HRH1: variants seen among roughly 807,000 people sequenced by gnomAD.
HRH1 encodes histamine receptor H1.
Under a neutral mutation model 10.3 loss-of-function variants are expected in HRH1, and 6 were observed. The ratio of observed to expected loss-of-function variants is 0.58; its 90% CI spans 0.32 to 1.15. The LOEUF (loss-of-function observed/expected upper bound fraction) is 1.15, where lower values mean the gene tolerates loss of function less well. Ranked by LOEUF, HRH1 falls within the 50% of genes most tolerant of loss-of-function variation. The pLI, the probability that HRH1 is intolerant of heterozygous loss-of-function variation, is 0.05. For missense variants in HRH1, 514 were observed against 615.3 expected (o/e 0.84, Z 1.74); for synonymous variants, 242 against 236.7 (o/e 1.02, Z -0.21).
chr3:11,259,545 C>G lies in HRH1; in HGVS notation c.508C>G (p.Gln170Glu). 1.2e-6 allele frequency: 2 copies of G among 1,614,164 alleles called. No homozygotes were observed. The highest frequency in any genetic ancestry group is 3.3e-5 in the Admixed American group (2 of 60,028). Residue 170 changes from glutamine to glutamate, a missense_variant, in exon 2 of 2, where the codon CAG (glutamine) becomes GAG (glutamate). Physicochemically the swap from Gln to Glu is conservative, Grantham distance 29 (BLOSUM62 2). Coordinates refer to ENST00000431010, the MANE Select transcript of HRH1 (RefSeq NM_001098212.2). The surrounding 1 kb of genome is among the most constrained non-coding windows in gnomAD (Gnocchi z 4.6). ...IPILGWNHFMQQTSVRREDKC... is the reference protein window; with the variant it reads ...IPILGWNHFMEQTSVRREDKC... ...CATTCTAGGCTGGAATCACTTCATG[C>G]AGCAGACCTCGGTGCGCCGAGAGGA...
At chr3:11,139,372 C>G (rs1377079989) in intron 1 of HRH1, among the ~76,000 whole-genome samples, 4 of 152,016 alleles carry the variant, frequency 2.6e-5, no homozygotes, top group African/African-American at 9.6e-5. Flanking sequence ...CTCCGCCTCC[C>G]GGGTTCAAGC....
chr3:11,251,351 G>A (rs530113079), intron 1 of HRH1, among the ~76,000 whole-genome samples: 5 of 152,218 alleles, frequency 3.3e-5, no homozygotes, highest in African/African-American at 9.6e-5. Flanking sequence ...ATAAGGCCTC[G>A]CTCTGCCCAA....
chr3:11,255,063 A>G (rs191611755), intron 1 of HRH1, among the ~76,000 whole-genome samples: 3 of 152,342 alleles, frequency 2.0e-5, no homozygotes, highest in East Asian at 3.9e-4. Flanking sequence ...CGAAGGCAGG[A>G]AGGCTGTTTA....
At position 11,258,950 on chromosome 3, in the gene HRH1, T is replaced by A. The variant is rs116413786; in HGVS notation, c.-35-53T>A. 6.7e-4 allele frequency: 860 copies of A among 1,276,996 alleles called. 8 individuals carry two copies. In the African/African-American group the frequency reaches 0.01, roughly 15 times the overall value. 79.1% of individuals were successfully genotyped at this position (1,276,996 alleles called of 1,614,324 possible). A position where few individuals can be genotyped will look rare whatever the true frequency, so the allele number is the denominator to read the frequency against. On this transcript the variant is annotated intron_variant, in intron 1 of 1. Transcript: ENST00000431010. ...GTCTGATGAACATCATGCTACTAAG[T>A]GGCCACTCATCACCCAAGTCTCTGA...
intron 1 of HRH1, among the ~76,000 whole-genome samples, chr3:11,145,738 C>G (rs1264630654): frequency 1.5e-5 from 2 of 133,336 alleles, no homozygotes; most frequent in African/African-American, 2.9e-5. Flanking sequence ...CAGTCAGTAA[C>G]AGTACCCCTC....
intron 1 of HRH1, among the ~76,000 whole-genome samples, chr3:11,228,911 C>CA (rs10710059): frequency 2.1e-3 from 238 of 115,532 alleles, no homozygotes; most frequent in Middle Eastern, 4.6e-3. Context: ...GAGAGTATGT[C>CA]AAAAAAAAAA....
chr3:11,137,588 C>A (rs996795320), intron 1 of HRH1, among the ~76,000 whole-genome samples: 11 of 151,818 alleles, frequency 7.2e-5, no homozygotes, highest in Non-Finnish European at 1.3e-4. Flanking sequence ...GATGGTGGCA[C>A]AAGGTGGGAG....
chr3:11,254,688 C>T (rs1010393691), intron 1 of HRH1, among the ~76,000 whole-genome samples: 6 of 152,174 alleles, frequency 3.9e-5, no homozygotes, highest in East Asian at 1.9e-4. Context: ...AGACCCTCCC[C>T]GGAGGAGAAT....
At position 11,173,908 on chromosome 3, in the gene HRH1, C is replaced by A. The variant is rs573484048; in HGVS notation, c.-36+19354C>A. On this transcript the variant is annotated intron_variant, in intron 1 of 1. Coordinates refer to ENST00000431010, the MANE Select transcript of HRH1 (RefSeq NM_001098212.2). ...AAAGAGTTGTGTTTCAGCCTCAGTT[C>A]TTTCTTTATTTCCTCTTCCCGCAAG... 4.6e-5 allele frequency among the ~76,000 whole-genome samples: 7 copies of A among 152,280 alleles called. No individual in the cohort carries two copies. The East Asian group carries it at 1.4e-3, about 29-fold the overall frequency.
intron 1 of HRH1, among the ~76,000 whole-genome samples, chr3:11,204,454 G>A (rs892900661): frequency 6.6e-6 from 1 of 152,142 alleles, no homozygotes; most frequent in African/African-American, 2.4e-5. Flanking sequence ...AATAGCACTT[G>A]AAAAGCTCAC....
Position 11,262,451 on chromosome 3 carries a change from A to G in HRH1, c.*1950A>G, listed in dbSNP as rs1397787591. 3 of 167,098 alleles carry G rather than the reference A, an allele frequency of 1.8e-5. No homozygotes were observed. Among genetic ancestry groups the G allele is most frequent in the Admixed American group, 6.5e-5 (1 of 15,288 alleles). 10.4% of individuals were successfully genotyped at this position (167,098 alleles called of 1,614,324 possible). A position where few individuals can be genotyped will look rare whatever the true frequency, so the allele number is the denominator to read the frequency against. On this transcript the variant is annotated 3_prime_UTR_variant, in exon 2 of 2. Transcript: ENST00000431010. ...CTTTTCAAAAGGATTTACTTTTTGT[A>G]AAAAGCTTCATTCTCACTCTGCTTT...
At chr3:11,197,298 G>A (rs1301498046) in intron 1 of HRH1, among the ~76,000 whole-genome samples, 1 of 152,076 alleles carries the variant, frequency 6.6e-6, no homozygotes, top group African/African-American at 2.4e-5. Flanking sequence ...ATTTATAATT[G>A]CTTCTTTGTG....
chr3:11,157,235 C>T (rs952306946), intron 1 of HRH1, among the ~76,000 whole-genome samples: 3 of 152,038 alleles, frequency 2.0e-5, no homozygotes, highest in Admixed American at 2.0e-4. Context: ...GCCATTCGTT[C>T]GATTTGCCAG....
intron 1 of HRH1, among the ~76,000 whole-genome samples, chr3:11,144,289 T>C (rs190167376): frequency 6.6e-6 from 1 of 151,052 alleles, no homozygotes; most frequent in Admixed American, 6.6e-5. Flanking sequence ...AACAAAATCA[T>C]AGAATCAAAC....
intron 1 of HRH1, among the ~76,000 whole-genome samples, chr3:11,175,909 A>G (rs1186980824): frequency 2.0e-5 from 3 of 152,212 alleles, no homozygotes; most frequent in Non-Finnish European, 2.9e-5. Flanking sequence ...CTGTAATCCT[A>G]GCACTTTGGG....
chr3:11,150,043 A>G (rs1409003353), upstream of HRH1, among the ~76,000 whole-genome samples: 6 of 152,246 alleles, frequency 3.9e-5, no homozygotes, highest in African/African-American at 1.4e-4. Context: ...GAGAAAGATC[A>G]ACTTAATTTC....
In HRH1 at chr3:11,142,705, G is replaced by A. The variant is rs144080997; in HGVS notation, c.-36+5306G>A. 6.4e-3 allele frequency among the ~76,000 whole-genome samples: 978 copies of A among 152,226 alleles called. 25 individuals are homozygous for A. In the East Asian group the frequency reaches 0.079, roughly 12 times the overall value. ...CAAGACAGGCAGATCACGAGGTCAG[G>A]AGTTCAAGACCAGCTTGGCCAACAC... On this transcript the variant is annotated intron_variant, in intron 1 of 1. Coordinates refer to the HRH1 transcript ENST00000438284.
At chr3:11,183,432 G>A (rs1937393809) in intron 1 of HRH1, among the ~76,000 whole-genome samples, 1 of 152,176 alleles carries the variant, frequency 6.6e-6, no homozygotes, top group Non-Finnish European at 1.5e-5. Flanking sequence ...GGGTGCTACT[G>A]GCAACGAGTA....
chr3:11,173,110 A>G (rs1381856700), intron 1 of HRH1, among the ~76,000 whole-genome samples: 1 of 152,180 alleles, frequency 6.6e-6, no homozygotes, highest in Non-Finnish European at 1.5e-5. Context: ...GCTGAGTATC[A>G]TATGCCCTTC....
Sources: allele counts gnomAD v4.1 joint callset (sites outside exome capture counted in the v4.1 genomes callset), GRCh38; gene constraint gnomAD v4.1.1; non-coding constraint Gnocchi (gnomAD v3.1); transcripts MANE v1.5; gene names NCBI Gene and HGNC (gene_info 2026-07-23, HGNC 2026-07-21).